The following CNTNAP2 variants were observed in gnomAD, a reference collection of about 807,000 sequenced individuals.
CNTNAP2 encodes the protein contactin-associated protein-like 2.
Under a neutral mutation model 155.2 loss-of-function variants are expected in CNTNAP2, and 98 were observed. The ratio of observed to expected loss-of-function variants is 0.63; its 90% CI spans 0.54 to 0.75. The LOEUF (loss-of-function observed/expected upper bound fraction) is 0.75, where lower values mean the gene tolerates loss of function less well. Ranked by LOEUF, CNTNAP2 falls within the 30% of genes least tolerant of loss-of-function variation. CNTNAP2 has a pLI of 0.00. For synonymous variants in CNTNAP2, 651 were observed against 631.2 expected, an observed-to-expected ratio of 1.03 and a Z score of -0.47; for missense variants, 1,727 against 1,688.1, an observed-to-expected ratio of 1.02 and a Z score of -0.40.
At chr7:148,026,541 A>G (rs1005650636) in intron 15 of CNTNAP2, among the ~76,000 whole-genome samples, 2 of 152,194 alleles carry the variant, frequency 1.3e-5, no homozygotes, top group Non-Finnish European at 2.9e-5. Flanking sequence ...CAACCTGAGT[A>G]TTATAATGAG....
intron 3 of CNTNAP2, among the ~76,000 whole-genome samples, chr7:146,853,360 T>C (rs553874666): frequency 1.5e-4 from 23 of 152,288 alleles, no homozygotes; most frequent in Admixed American, 2.6e-4. Context: ...GGATTTGGGA[T>C]AACTGATTGT....
At position 147,725,519 on chromosome 7, in the gene CNTNAP2, G is replaced by A. The variant is rs370755336; in HGVS notation, c.2098+86213G>A. 1.1e-4 allele frequency among the ~76,000 whole-genome samples: 16 copies of A among 152,104 alleles called. 1 individual carries two copies. Among genetic ancestry groups the A allele is most frequent in the African/African-American group, 3.9e-4 (16 of 41,502 alleles). ...CAAGGAGAATATATCATTATTAGTG[G>A]GAAGCTCGCAAGAAAGATGAGTGTC... On this transcript the variant is annotated intron_variant, in intron 13 of 23. Coordinates refer to ENST00000361727, the MANE Select transcript of CNTNAP2 (RefSeq NM_014141.6).
chr7:147,261,735 A>G (rs1804471425), intron 8 of CNTNAP2, among the ~76,000 whole-genome samples: 2 of 152,222 alleles, frequency 1.3e-5, no homozygotes, highest in South Asian at 4.1e-4. Context: ...GCAGAAGACA[A>G]TGCTAAAAAT....
At chr7:146,719,275 C>G (rs1801244016) in intron 1 of CNTNAP2, among the ~76,000 whole-genome samples, 1 of 152,090 alleles carries the variant, frequency 6.6e-6, no homozygotes, top group African/African-American at 2.4e-5. Context: ...TGCAGTGCCA[C>G]CAAAATATGA....
At chr7:147,391,245 AGTCAGGCACATGCTG>A (rs1308222136) in intron 9 of CNTNAP2, among the ~76,000 whole-genome samples, 3 of 152,186 alleles carry the variant, frequency 2.0e-5, no homozygotes, top group Non-Finnish European at 2.9e-5. Flanking sequence ...TTTGCAATCC[AGTCAGGCACATGCTG>A]GTCATTCTTG....
intron 2 of CNTNAP2, among the ~76,000 whole-genome samples, chr7:146,815,132 T>C (rs1236887389): frequency 6.6e-6 from 1 of 152,172 alleles, no homozygotes; most frequent in Non-Finnish European, 1.5e-5. Context: ...CATGAATTAG[T>C]GCTGAATGCA....
intron 14 of CNTNAP2, among the ~76,000 whole-genome samples, chr7:147,923,090 A>G (rs187168924): frequency 3.3e-5 from 5 of 151,890 alleles, no homozygotes; most frequent in African/African-American, 1.2e-4. Context: ...AGCAAAAAGG[A>G]AGGAAGGAAG....
intron 8 of CNTNAP2, among the ~76,000 whole-genome samples, chr7:147,232,872 T>C (rs916895778): frequency 2.0e-5 from 3 of 152,190 alleles, no homozygotes; most frequent in African/African-American, 7.2e-5. Context: ...AAATAAACCA[T>C]GTAAAAGAGG....
chr7:147,925,290 GCGCA>G (rs780632762), intron 14 of CNTNAP2, among the ~76,000 whole-genome samples: 21 of 68,958 alleles, frequency 3.0e-4, no homozygotes, highest in Admixed American at 1.4e-3. Context: ...ACAAGCGCGC[GCGCA>G]CACACACACA....
At chr7:148,109,447 C>T (rs745647789) in intron 15 of CNTNAP2, among the ~76,000 whole-genome samples, 3 of 151,974 alleles carry the variant, frequency 2.0e-5, no homozygotes, top group African/African-American at 4.8e-5. Context: ...TACAATGGTG[C>T]GATCTCGGCT....
intron 15 of CNTNAP2, among the ~76,000 whole-genome samples, chr7:148,054,174 G>A (rs1302482255): frequency 6.6e-6 from 1 of 151,916 alleles, no homozygotes; most frequent in African/African-American, 2.4e-5. Flanking sequence ...GGGTTTCACC[G>A]TGTTAGCCAG....
At chr7:146,712,675 T>C (rs1226535507) in intron 1 of CNTNAP2, among the ~76,000 whole-genome samples, 2 of 151,810 alleles carry the variant, frequency 1.3e-5, no homozygotes, top group Non-Finnish European at 2.9e-5. Flanking sequence ...TTTTCTTTTT[T>C]AGTTTAAGAT....
At chr7:147,911,337 A>T (rs1182908392) in intron 14 of CNTNAP2, among the ~76,000 whole-genome samples, 2 of 152,208 alleles carry the variant, frequency 1.3e-5, no homozygotes, top group East Asian at 1.9e-4. Flanking sequence ...TTGCCATATA[A>T]GGCCAGCACA....
intron 9 of CNTNAP2, among the ~76,000 whole-genome samples, chr7:147,322,224 A>G (rs943817895): frequency 2.0e-5 from 3 of 152,212 alleles, no homozygotes; most frequent in Non-Finnish European, 4.4e-5. Context: ...TGGCTGGAAC[A>G]TATTAATGTG....
intron 1 of CNTNAP2, among the ~76,000 whole-genome samples, chr7:146,632,273 T>C (rs1799522990): frequency 6.6e-6 from 1 of 152,176 alleles, no homozygotes; most frequent in Non-Finnish European, 1.5e-5. Flanking sequence ...GATTTTAGGA[T>C]TTGATATAAA....
rs189035500 is a variant in CNTNAP2, at chr7:146,605,254, A to T, written c.98-169017A>T. Among the ~76,000 whole-genome samples, 5 of 151,244 alleles carry T rather than the reference A, an allele frequency of 3.3e-5. No homozygotes were observed. In the East Asian group the frequency reaches 9.7e-4, roughly 29 times the overall value. ...GTATGGCTAGAAACTAGGGCTGGCCATTTTGTGTATTATTGTACTTGTTCC... is the reference window on the plus strand; with the variant it reads ...GTATGGCTAGAAACTAGGGCTGGCCTTTTTGTGTATTATTGTACTTGTTCC... On this transcript the variant is annotated intron_variant, in intron 1 of 23. Coordinates refer to ENST00000361727, the MANE Select transcript of CNTNAP2 (RefSeq NM_014141.6).
intron 8 of CNTNAP2, among the ~76,000 whole-genome samples, chr7:147,291,287 A>G (rs1007122660): frequency 6.6e-6 from 1 of 152,088 alleles, no homozygotes; most frequent in Non-Finnish European, 1.5e-5. Flanking sequence ...CCCCACATGC[A>G]TGAGGTATTT....
chr7:147,752,530 G>T (rs2116505464), intron 13 of CNTNAP2, among the ~76,000 whole-genome samples: 1 of 152,126 alleles, frequency 6.6e-6, no homozygotes, highest in East Asian at 1.9e-4. Flanking sequence ...TACAGGAAGG[G>T]GCCTTTGATA....
At chr7:146,277,720 A>G (rs1800185827) in intron 1 of CNTNAP2, among the ~76,000 whole-genome samples, 1 of 152,172 alleles carries the variant, frequency 6.6e-6, no homozygotes, top group Admixed American at 6.5e-5. Flanking sequence ...TAAATAGAAA[A>G]TTGCAATATA....
Sources: gnomAD v4.1 joint callset for allele counts (sites outside exome capture counted in the v4.1 genomes callset) on GRCh38, gnomAD v4.1.1 for gene constraint, MANE v1.5 for transcripts, NCBI Gene and HGNC (gene_info 2026-07-23, HGNC 2026-07-21) for gene names.